The following HELZ variants were observed in gnomAD, a reference collection of about 807,000 sequenced individuals.
HELZ encodes helicase with zinc finger, also known as ATP-dependent RNA helicase with zinc finger domain.
In HELZ, 23 loss-of-function variants were observed where a neutral mutation model predicts 218.2. That is an observed-to-expected ratio of 0.11 (90% CI 0.08 to 0.15). The LOEUF (loss-of-function observed/expected upper bound fraction) is 0.15. Among genes scored for constraint, HELZ ranks in the 10% least tolerant of loss-of-function variants. The probability of loss-of-function intolerance (pLI) is 1.00; values close to 1 mark genes in which losing one functional copy is unlikely to be tolerated. For synonymous variants in HELZ, 814 were observed against 829.4 expected (o/e 0.98, Z 0.32); for missense variants, 1,813 against 2,353.7 (o/e 0.77, Z 4.75).
intron 5 of HELZ, among the ~76,000 whole-genome samples, chr17:67,215,441 C>T (rs913246402): frequency 6.6e-6 from 1 of 151,868 alleles, no homozygotes; most frequent in South Asian, 2.1e-4. Flanking sequence ...CTCCGCCTCC[C>T]GGGTTCAAGC....
At chr17:67,226,595 A>T (rs927443838) in intron 3 of HELZ, among the ~76,000 whole-genome samples, 23 of 152,230 alleles carry the variant, frequency 1.5e-4, no homozygotes, top group Admixed American at 1.4e-3. Flanking sequence ...AGCTTCTTAT[A>T]AAATCAAATA....
chr17:67,092,897 G>C lies in HELZ; in HGVS notation c.5242-5816C>G, dbSNP rs565476305. On this transcript the variant is annotated intron_variant, in intron 31 of 32. Transcript: ENST00000358691. Reference sequence around the variant, plus strand: ...AGAGAACTGCTTGAAACCGGCGGGGGGGGGAAGTTGCAGTGAGCCAAGATT... The same window carrying C: ...AGAGAACTGCTTGAAACCGGCGGGGCGGGGAAGTTGCAGTGAGCCAAGATT... Among the ~76,000 whole-genome samples the C allele has an allele frequency of 4.0e-5, 6 of 151,838 alleles. No homozygotes were observed. In the South Asian group the frequency reaches 6.3e-4, roughly 16 times the overall value.
At chr17:67,237,154 A>G (rs1165804482) in intron 3 of HELZ, among the ~76,000 whole-genome samples, 4 of 152,116 alleles carry the variant, frequency 2.6e-5, no homozygotes, top group Non-Finnish European at 4.4e-5. Context: ...AGTCTGACCA[A>G]CATGGCAAAG....
At chr17:67,116,068 AC>A (rs1187328165) in intron 27 of HELZ, among the ~76,000 whole-genome samples, 1 of 152,150 alleles carries the variant, frequency 6.6e-6, no homozygotes, top group Non-Finnish European at 1.5e-5. Flanking sequence ...AGCTTCCTTT[AC>A]TGTAAATGAA....
intron 31 of HELZ, among the ~76,000 whole-genome samples, chr17:67,088,837 T>C (rs2036471348): frequency 1.3e-5 from 2 of 152,246 alleles, no homozygotes; most frequent in South Asian, 2.1e-4. Context: ...ATTAATTTAG[T>C]GTCAACTAGG....
intron 13 of HELZ, among the ~76,000 whole-genome samples, chr17:67,172,663 AG>A (rs1567862605): frequency 6.6e-6 from 1 of 152,142 alleles, no homozygotes; most frequent in African/African-American, 2.4e-5. Context: ...GCTGGAGTGC[AG>A]TAGCACAATC....
intron 6 of HELZ, among the ~76,000 whole-genome samples, chr17:67,201,698 C>A (rs1207770536): frequency 1.3e-5 from 2 of 152,236 alleles, no homozygotes; most frequent in East Asian, 3.9e-4. Context: ...GCAAATTACT[C>A]TTTACTCGTT....
chr17:67,224,775 C>T, intron 3 of HELZ: 1 of 1,179,524 alleles, frequency 8.5e-7, no homozygotes, highest in Non-Finnish European at 1.2e-6. Flanking sequence ...AGAAGTGTGG[C>T]AAGCACCAAC....
intron 27 of HELZ, among the ~76,000 whole-genome samples, chr17:67,118,692 C>CAAAAAAAA (rs142101119): frequency 2.7e-4 from 12 of 44,918 alleles, no homozygotes; most frequent in East Asian, 7.6e-4. Flanking sequence ...CTTTAAAAGG[C>CAAAAAAAA]AAAAAAAAAA....
chr17:67,072,742 A>G lies in HELZ; in HGVS notation c.*5510T>C, dbSNP rs1363190959. On this transcript the variant is annotated 3_prime_UTR_variant, in exon 33 of 33. Transcript: ENST00000358691. The stretch of plus-strand genomic sequence containing the variant: ...TCTCCACAAATGTTCCAGTCATGGC[A>G]CCAGATTTATAAAAATGTCTCCAGA... The G allele has an allele frequency of 6.6e-6, 1 of 152,226 alleles. No homozygotes were observed. The highest frequency in any genetic ancestry group is 1.5e-5 in the Non-Finnish European group (1 of 68,050). The allele number at this position is 152,226 out of a possible 1,614,324, so 9.4% of individuals were successfully genotyped here.
intron 18 of HELZ, 32 bp from the exon 19 acceptor site, chr17:67,150,017 C>T (rs749784633): frequency 2.6e-5 from 34 of 1,317,532 alleles, no homozygotes; most frequent in East Asian, 1.4e-4. Flanking sequence ...CAGGATAGCA[C>T]GCTAGAGCAG....
chr17:67,144,249 T>G (rs1414662226), intron 21 of HELZ, among the ~76,000 whole-genome samples: 1 of 152,058 alleles, frequency 6.6e-6, no homozygotes. Context: ...TACACTGGTA[T>G]TTAGCTGAGG....
intron 13 of HELZ, among the ~76,000 whole-genome samples, chr17:67,169,835 C>A (rs1005213144): frequency 6.6e-6 from 1 of 152,126 alleles, no homozygotes; most frequent in Non-Finnish European, 1.5e-5. Flanking sequence ...GTGAAATTAA[C>A]GAGTTACATG....
chr17:67,204,211 T>A (rs1395545147), intron 5 of HELZ, among the ~76,000 whole-genome samples: 1 of 152,230 alleles, frequency 6.6e-6, no homozygotes, highest in East Asian at 1.9e-4. Context: ...TCCAAGGAAA[T>A]GTTTCTTTTT....
intron 13 of HELZ, among the ~76,000 whole-genome samples, chr17:67,168,041 G>C (rs34165548): frequency 0.4 from 60,090 of 151,790 alleles, 13,276 homozygotes; most frequent in Non-Finnish European, 0.51. Flanking sequence ...GGAGTACAGT[G>C]GCACGATCTT....
intron 32 of HELZ, among the ~76,000 whole-genome samples, chr17:67,080,042 A>C (rs909615748): frequency 1.4e-5 from 2 of 140,656 alleles, no homozygotes; most frequent in Admixed American, 7.3e-5. Flanking sequence ...CAAATCCATG[A>C]ACTAGTTTCT....
rs150580521 is a variant in HELZ, at chr17:67,108,593, C to A, written c.4623G>T (p.Gln1541His). ...PYPHHHHPHL[Q>H]HLPQPPLGLH... is the part of the protein sequence containing the mutation. ...ATCCCAGGGGCGGCTGAGGAAGATGCTGGAGGTGAGGATGGTGATGGTGTG... is the reference window on the plus strand; with the variant it reads ...ATCCCAGGGGCGGCTGAGGAAGATGATGGAGGTGAGGATGGTGATGGTGTG... The change falls in exon 30 of 33, where the codon CAG becomes CAT. Residue 1541 changes from glutamine to histidine, a missense_variant. Around this residue, in one of 4 missense-constraint regions of HELZ, gnomAD observed 938 missense variants for 1,027.5 expected, o/e 0.91. Coordinates refer to ENST00000358691, the MANE Select transcript of HELZ (RefSeq NM_014877.4). The surrounding 1 kb of genome is among the most constrained non-coding windows in gnomAD (Gnocchi z 4.1). The A allele has an allele frequency of 3.7e-6, 6 of 1,613,924 alleles. No individual in the cohort carries two copies. Among genetic ancestry groups the A allele is most frequent in the Non-Finnish European group, 5.1e-6 (6 of 1,179,986 alleles).
intron 12 of HELZ, among the ~76,000 whole-genome samples, chr17:67,183,900 T>C (rs780983121): frequency 3.4e-4 from 51 of 151,982 alleles, no homozygotes; most frequent in Non-Finnish European, 5.7e-4. Flanking sequence ...CACTCATATT[T>C]CCTAAAGAGT....
intron 5 of HELZ, among the ~76,000 whole-genome samples, chr17:67,206,764 T>C (rs944890962): frequency 6.6e-6 from 1 of 151,534 alleles, no homozygotes; most frequent in Non-Finnish European, 1.5e-5. Flanking sequence ...CATACTCGGC[T>C]AATTTTGTAT....
Sources: gnomAD v4.1 joint callset for allele counts (sites outside exome capture counted in the v4.1 genomes callset) on GRCh38, gnomAD v4.1.1 for gene constraint, gnomAD v4.1.1 regional missense constraint, Gnocchi (gnomAD v3.1) non-coding constraint, MANE v1.5 for transcripts, NCBI Gene and HGNC (gene_info 2026-07-23, HGNC 2026-07-21) for gene names.